The following SNUPN variants were observed in gnomAD, a reference collection of about 807,000 sequenced individuals.
SNUPN encodes snurportin-1.
SNUPN carries 31 observed loss-of-function variants against 39.2 expected under a neutral mutation model. The ratio of observed to expected loss-of-function variants is 0.79; its 90% CI spans 0.59 to 1.07. SNUPN has a LOEUF of 1.07. Ranked by LOEUF, SNUPN falls within the 50% of genes least tolerant of loss-of-function variation. The pLI is 0.00. For synonymous variants in SNUPN, 132 were observed against 159.0 expected (o/e 0.83, Z 1.28); for missense variants, 382 against 434.2 (o/e 0.88, Z 1.07).
chr15:75,613,222 G>A (rs1388472346), intron 3 of SNUPN, among the ~76,000 whole-genome samples: 2 of 126,342 alleles, frequency 1.6e-5, no homozygotes, highest in Non-Finnish European at 3.1e-5. Context: ...TCGCGTCACT[G>A]CACTCCAGCC....
At chr15:75,616,683 A>G (rs570604299) in intron 3 of SNUPN, among the ~76,000 whole-genome samples, 2 of 152,298 alleles carry the variant, frequency 1.3e-5, no homozygotes, top group African/African-American at 4.8e-5. Context: ...GTAGACCTCC[A>G]TCCCAACTTG....
intron 8 of SNUPN, chr15:75,600,747 A>C (rs11072552): frequency 0.53 from 114,298 of 215,474 alleles, 31,552 homozygotes; most frequent in African/African-American, 0.68. Context: ...TCACAGAAGC[A>C]CCTTCACTTT....
intron 8 of SNUPN, among the ~76,000 whole-genome samples, chr15:75,598,981 A>G (rs908675031): frequency 1.3e-5 from 2 of 152,078 alleles, no homozygotes; most frequent in Non-Finnish European, 2.9e-5. Flanking sequence ...AGCCTGGGCA[A>G]CATGGTAAGA....
intron 3 of SNUPN, among the ~76,000 whole-genome samples, chr15:75,612,713 T>G (rs1452467953): frequency 6.6e-6 from 1 of 152,122 alleles, no homozygotes; most frequent in African/African-American, 2.4e-5. Context: ...TGGAATTAAC[T>G]GCCTTCTGTT....
intron 3 of SNUPN, among the ~76,000 whole-genome samples, chr15:75,613,127 C>T (rs1040812777): frequency 4.0e-5 from 6 of 151,794 alleles, no homozygotes; most frequent in Non-Finnish European, 7.4e-5. Context: ...GGCGCGGTGG[C>T]GGGCACCTGT....
At chr15:75,620,592 C>T (rs150657422) in intron 2 of SNUPN, among the ~76,000 whole-genome samples, 79 of 152,236 alleles carry the variant, frequency 5.2e-4, no homozygotes, top group Admixed American at 2.5e-3. Context: ...GCGTGGCTTT[C>T]GCAAGTTCCT....
At chr15:75,623,220 C>A (rs1313266490) in intron 1 of SNUPN, among the ~76,000 whole-genome samples, 1 of 152,184 alleles carries the variant, frequency 6.6e-6, no homozygotes, top group Non-Finnish European at 1.5e-5. Context: ...TCTTGGCTCA[C>A]CACAACCTCC....
At chr15:75,616,430 C>A (rs71401697) in intron 3 of SNUPN, among the ~76,000 whole-genome samples, 2,004 of 151,776 alleles carry the variant, frequency 0.013, 27 homozygotes, top group Middle Eastern at 0.058. Context: ...TGCACTCCAG[C>A]CTGGGCAACA....
At chr15:75,617,685 G>A in intron 2 of SNUPN, 133 bp from the exon 3 acceptor site, 1 of 937,248 alleles carries the variant, frequency 1.1e-6, no homozygotes, top group Non-Finnish European at 1.5e-6. Flanking sequence ...GGGCTCAAGT[G>A]ATCTTCCCAC....
chr15:75,602,925 T>C (rs564013965), intron 7 of SNUPN, among the ~76,000 whole-genome samples: 1 of 151,914 alleles, frequency 6.6e-6, no homozygotes, highest in Non-Finnish European at 1.5e-5. Flanking sequence ...TGTTTGTATT[T>C]CTTTTGTAGA....
At chr15:75,620,798 T>G (rs1893048881) in intron 2 of SNUPN, 96 bp downstream of exon 2, 5 of 1,108,264 alleles carry the variant, frequency 4.5e-6, no homozygotes, top group Non-Finnish European at 5.2e-6. Context: ...AGAGTCTACT[T>G]TGAAGGGAGA....
At chr15:75,611,657 C>G (rs1406571768) in intron 3 of SNUPN, among the ~76,000 whole-genome samples, 1 of 151,810 alleles carries the variant, frequency 6.6e-6, no homozygotes, top group African/African-American at 2.4e-5. Context: ...GAAATCGAGA[C>G]CATCCTGGCC....
chr15:75,609,253 A>G (rs1892713794), intron 5 of SNUPN, among the ~76,000 whole-genome samples: 2 of 130,038 alleles, frequency 1.5e-5, no homozygotes. Flanking sequence ...GCAGTGGTGC[A>G]ATCTCGGCTC....
At chr15:75,600,047 T>C (rs897814122) in intron 8 of SNUPN, among the ~76,000 whole-genome samples, 2 of 152,074 alleles carry the variant, frequency 1.3e-5, no homozygotes. Flanking sequence ...GGTTTCACCA[T>C]GTTGGCGAGG....
At chr15:75,615,798 C>T (rs1315087603) in intron 3 of SNUPN, among the ~76,000 whole-genome samples, 10 of 151,332 alleles carry the variant, frequency 6.6e-5, no homozygotes, top group Admixed American at 2.6e-4. Context: ...TTAGTAGAGA[C>T]GGGGTTTCAC....
At position 75,617,547 on chromosome 15, in the gene SNUPN, C is replaced by A; in HGVS notation, c.164G>T (p.Arg55Leu). 1 of 1,605,780 alleles carries A rather than the reference C, an allele frequency of 6.2e-7. No homozygotes were observed. Among genetic ancestry groups the A allele is most frequent in the Non-Finnish European group, 8.5e-7 (1 of 1,177,848 alleles). Reference protein sequence around the residue: ...RRLLELQKSKRLDYVNHARRL... With the variant: ...RRLLELQKSKLLDYVNHARRL... ...TCTGGCATGGTTCACATAATCCAGC[C>A]GCTTGCTGGAAGGAAAAAAAAGGCA... The change falls in exon 3 of 9, where the codon CGG becomes CTG. Residue 55 changes from arginine (R) to leucine (L), a missense_variant. By Grantham distance (102) the Arg-to-Leu change is moderately radical (BLOSUM62 -2). Transcript: ENST00000308588.
chr15:75,613,291 G>T (rs1035206116), intron 3 of SNUPN, among the ~76,000 whole-genome samples: 2 of 146,810 alleles, frequency 1.4e-5, no homozygotes, highest in Non-Finnish European at 3.0e-5. Context: ...AAGAGCAAAG[G>T]ATTTGAATAG....
Position 75,601,298 on chromosome 15 carries a change from G to A in SNUPN, c.679-80C>T. ...GCAATTGAAAATCTCTGTCAGGCCA[G>A]GCATAGTGGCTCACACCTGTAATCC... On this transcript the variant is annotated intron_variant, in intron 7 of 8. Coordinates refer to ENST00000308588, the MANE Select transcript of SNUPN (RefSeq NM_005701.4). 4.0e-6 allele frequency: 4 copies of A among 998,594 alleles called. No individual in the cohort carries two copies. In the Middle Eastern group the frequency reaches 6.4e-4, roughly 159 times the overall value. The allele number at this position is 998,594 out of a possible 1,614,324, so 61.9% of individuals were successfully genotyped here.
At chr15:75,623,145 G>T (rs1385318542) in intron 1 of SNUPN, among the ~76,000 whole-genome samples, 1 of 131,850 alleles carries the variant, frequency 7.6e-6, no homozygotes, top group Non-Finnish European at 1.5e-5. Context: ...AAACATAAAA[G>T]AAACTTTTTT....
Sources: gnomAD v4.1 joint callset for allele counts (sites outside exome capture counted in the v4.1 genomes callset) on GRCh38, gnomAD v4.1.1 for gene constraint, MANE v1.5 for transcripts, NCBI Gene and HGNC (gene_info 2026-07-23, HGNC 2026-07-21) for gene names.